Variants in TFEC observed in about 807,000 individuals in gnomAD.
TFEC encodes class E basic helix-loop-helix protein 34.
TFEC carries 31 observed loss-of-function variants against 41.6 expected under a neutral mutation model. The observed-to-expected ratio is 0.74, with a 90% CI of 0.56 to 1.01. The LOEUF (loss-of-function observed/expected upper bound fraction) is 1.01, where lower values mean the gene tolerates loss of function less well. TFEC is among the 50% of genes least tolerant of loss of function. The pLI is 0.00. For missense variants in TFEC, 402 were observed against 404.1 expected (o/e 0.99, Z 0.04); for synonymous variants, 143 against 140.6 (o/e 1.02, Z -0.12).
At chr7:116,153,336 A>G (rs866104770) in intron 1 of TFEC, among the ~76,000 whole-genome samples, 1 of 152,096 alleles carries the variant, frequency 6.6e-6, no homozygotes, top group Admixed American at 6.6e-5. Flanking sequence ...GCTCACTGCA[A>G]TCCGCCTCCT....
intron 1 of TFEC, among the ~76,000 whole-genome samples, chr7:116,004,427 G>T (rs1211133670): frequency 6.6e-6 from 1 of 152,142 alleles, no homozygotes; most frequent in Non-Finnish European, 1.5e-5. Context: ...TGCCAAGAGT[G>T]ACCTCTAATG....
chr7:116,155,940 TAC>T (rs1798861516), intron 1 of TFEC, among the ~76,000 whole-genome samples: 1 of 152,166 alleles, frequency 6.6e-6, no homozygotes, highest in Non-Finnish European at 1.5e-5. Flanking sequence ...CTTTATGCAT[TAC>T]AGAGTTTGGG....
chr7:116,077,347 A>G (rs776110240), intron 3 of TFEC, among the ~76,000 whole-genome samples: 2 of 152,132 alleles, frequency 1.3e-5, no homozygotes, highest in African/African-American at 2.4e-5. Flanking sequence ...AGACCTATAC[A>G]ACAATAACAC....
At chr7:116,025,788 TGCA>T (rs1399387930) in intron 1 of TFEC, among the ~76,000 whole-genome samples, 11 of 152,206 alleles carry the variant, frequency 7.2e-5, no homozygotes, top group African/African-American at 2.7e-4. Flanking sequence ...AGAGAATTGC[TGCA>T]GTAAAAAATG....
At chr7:116,154,060 C>T (rs1562989048) in intron 1 of TFEC, among the ~76,000 whole-genome samples, 1 of 152,142 alleles carries the variant, frequency 6.6e-6, no homozygotes. Flanking sequence ...GTACACAGGG[C>T]CAGCTAACCA....
rs1169067454 is a variant in TFEC at position 115,984,374 on chromosome 7, C to T, written c.68G>A (p.Gly23Glu). The change falls in exon 2 of 8, where the codon GGG (glycine) becomes GAG (glutamate). Residue 23 changes from glycine (G) to glutamate (E), a missense_variant. Transcript: ENST00000265440. ...KWSQPAVPSGGPLVQHAHTTL... is the reference protein window; with the variant it reads ...KWSQPAVPSGEPLVQHAHTTL... ...TGTGTGTGCATGCTGCACAAGAGGC[C>T]CACCACTTGGCACTGCAGGTTGTGA... 1.2e-6 allele frequency: 2 copies of T among 1,614,112 alleles called. No homozygotes were observed. Among genetic ancestry groups the T allele is most frequent in the Non-Finnish European group, 1.7e-6 (2 of 1,179,996 alleles).
intron 2 of TFEC, among the ~76,000 whole-genome samples, chr7:116,111,473 T>C (rs1332626767): frequency 6.6e-6 from 1 of 152,038 alleles, no homozygotes; most frequent in Non-Finnish European, 1.5e-5. Context: ...CGGATGAAAG[T>C]TGTATCCTCA....
intron 3 of TFEC, among the ~76,000 whole-genome samples, chr7:115,964,334 T>G (rs1355053787): frequency 2.6e-5 from 4 of 151,586 alleles, no homozygotes; most frequent in Non-Finnish European, 5.9e-5. Context: ...AAATATATCA[T>G]GCCATTTTGT....
intron 3 of TFEC, among the ~76,000 whole-genome samples, chr7:116,056,377 C>T (rs1210802011): frequency 6.6e-6 from 1 of 152,048 alleles, no homozygotes; most frequent in East Asian, 1.9e-4. Context: ...GGAAAAGCTA[C>T]AGGGAAAGAG....
chr7:116,004,788 GAA>G (rs112030961), intron 1 of TFEC, among the ~76,000 whole-genome samples: 229 of 142,696 alleles, frequency 1.6e-3, no homozygotes, highest in African/African-American at 5.5e-3. Context: ...CTCCTGGTTG[GAA>G]AAAAAAAAAA....
intron 3 of TFEC, among the ~76,000 whole-genome samples, chr7:116,073,104 T>C (rs982167499): frequency 6.6e-6 from 1 of 151,580 alleles, no homozygotes; most frequent in Non-Finnish European, 1.5e-5. Context: ...AAGAATTCAC[T>C]GGAGAGGTAT....
At chr7:116,045,023 A>C (rs1276838448) in intron 3 of TFEC, among the ~76,000 whole-genome samples, 1 of 152,220 alleles carries the variant, frequency 6.6e-6, no homozygotes, top group African/African-American at 2.4e-5. Flanking sequence ...AACTGGCACC[A>C]GTAGAGTGGG....
chr7:116,114,405 A>G (rs1797927235), intron 1 of TFEC, among the ~76,000 whole-genome samples: 1 of 152,052 alleles, frequency 6.6e-6, no homozygotes, highest in African/African-American at 2.4e-5. Flanking sequence ...AAACAAAATA[A>G]ACAACAAAGG....
At chr7:116,143,994 C>G (rs575900296) in intron 1 of TFEC, among the ~76,000 whole-genome samples, 86 of 152,100 alleles carry the variant, frequency 5.7e-4, no homozygotes, top group African/African-American at 1.8e-3. Context: ...CCAAGGCAGG[C>G]AGATCACAAG....
chr7:116,070,059 TTA>T (rs1258035556), intron 3 of TFEC, among the ~76,000 whole-genome samples: 1 of 151,396 alleles, frequency 6.6e-6, no homozygotes, highest in Non-Finnish European at 1.5e-5. Flanking sequence ...ATGTACATAT[TTA>T]TGTGTGCATT....
intron 3 of TFEC, among the ~76,000 whole-genome samples, chr7:116,052,775 G>C (rs539102166): frequency 1.3e-5 from 2 of 150,120 alleles, no homozygotes; most frequent in Non-Finnish European, 3.0e-5. Flanking sequence ...CTCCTACTAA[G>C]AAATGTCATG....
rs550551138 is a variant in TFEC, at chr7:116,008,047, G to A, written c.-73+22586C>T. On this transcript the variant is annotated intron_variant, in intron 1 of 7. Transcript: ENST00000265440. ...GTGACCTATATGTCACCACCCACCT[G>A]GAGACCACTTATCTAAACTGAGGGC... Among the ~76,000 whole-genome samples, 6 of 152,208 alleles carry A rather than the reference G, an allele frequency of 3.9e-5. No individual in the cohort carries two copies. The East Asian group carries it at 1.2e-3, about 29-fold the overall frequency.
intron 1 of TFEC, among the ~76,000 whole-genome samples, chr7:116,133,997 C>A (rs1239185440): frequency 6.6e-6 from 1 of 152,096 alleles, no homozygotes; most frequent in Non-Finnish European, 1.5e-5. Flanking sequence ...AAAAAGCTGG[C>A]AAACCAAGCC....
chr7:116,075,505 C>A (rs753571150), intron 3 of TFEC, among the ~76,000 whole-genome samples: 4 of 152,140 alleles, frequency 2.6e-5, no homozygotes, highest in Non-Finnish European at 5.9e-5. Flanking sequence ...TGGTCACCAG[C>A]TGCCTGGAAA....
Sources: gnomAD v4.1 joint callset for allele counts (sites outside exome capture counted in the v4.1 genomes callset) on GRCh38, gnomAD v4.1.1 for gene constraint, MANE v1.5 for transcripts, NCBI Gene and HGNC (gene_info 2026-07-23, HGNC 2026-07-21) for gene names.